Variants in BAALC observed in about 807,000 individuals in gnomAD.
BAALC encodes the protein BAALC binder of MAP3K1 and KLF4, also known as brain and acute leukemia cytoplasmic protein.
In BAALC, 9 loss-of-function variants were observed where a neutral mutation model predicts 15.5. The ratio of observed to expected loss-of-function variants is 0.58; its 90% CI spans 0.35 to 1.02. The LOEUF is 1.02. Among genes scored for constraint, BAALC ranks in the 50% least tolerant of loss-of-function variants. The pLI is 0.02. For missense variants in BAALC, 201 were observed against 192.4 expected, an observed-to-expected ratio of 1.04 and a Z score of -0.27; for synonymous variants, 80 against 74.6, an observed-to-expected ratio of 1.07 and a Z score of -0.37.
intron 1 of BAALC, among the ~76,000 whole-genome samples, chr8:103,167,550 A>T (rs753289337): frequency 1.3e-5 from 2 of 152,194 alleles, no homozygotes; most frequent in South Asian, 4.1e-4. Context: ...TCATACAATT[A>T]ATTATTATTG....
chr8:103,181,303 C>T (rs1014967992), intron 1 of BAALC, among the ~76,000 whole-genome samples: 5 of 152,106 alleles, frequency 3.3e-5, no homozygotes, highest in African/African-American at 9.7e-5. Flanking sequence ...GACAGAGTCT[C>T]GCTCTGTCGC....
intron 1 of BAALC, among the ~76,000 whole-genome samples, chr8:103,169,351 C>A (rs931494401): frequency 1.9e-4 from 29 of 152,106 alleles, no homozygotes; most frequent in African/African-American, 6.5e-4. Flanking sequence ...TAGGTTTTCT[C>A]CCCTTATAGA....
chr8:103,164,137 A>G (rs1811289621), intron 1 of BAALC, among the ~76,000 whole-genome samples: 1 of 152,180 alleles, frequency 6.6e-6, no homozygotes, highest in Non-Finnish European at 1.5e-5. Context: ...GTGAGTGAAG[A>G]GCAGGAGCTG....
chr8:103,140,984 C>T lies in BAALC; in HGVS notation c.87C>T (p.Thr29=). The stretch of plus-strand genomic sequence containing the variant: ...GGGAGACAGAATCCACCTGGCTCAC[C>T]TACACCGACTCGGACGCGCCGCCCA... ...WTRETESTWL[T]YTDSDAPPSA... Residue 29 remains threonine, a synonymous_variant, in exon 1 of 3, where the codon ACC becomes ACT. Transcript: ENST00000309982. This position sits in a 1 kb window ranked among gnomAD's most constrained non-coding sequence, Gnocchi z 4.2. 6.5e-7 allele frequency: 1 copy of T among 1,535,970 alleles called. No homozygotes were observed.
chr8:103,169,756 G>C (rs1811435282), intron 1 of BAALC, among the ~76,000 whole-genome samples: 1 of 152,162 alleles, frequency 6.6e-6, no homozygotes, highest in Admixed American at 6.5e-5. Flanking sequence ...TGTTCTAAGT[G>C]ATCCTCTGTC....
At chr8:103,162,879 C>T (rs1028495079) in intron 1 of BAALC, among the ~76,000 whole-genome samples, 1 of 152,150 alleles carries the variant, frequency 6.6e-6, no homozygotes, top group Non-Finnish European at 1.5e-5. Flanking sequence ...TGTAGCATAG[C>T]AAACCTTTTG....
intron 1 of BAALC, among the ~76,000 whole-genome samples, chr8:103,183,603 G>A (rs1279426494): frequency 1.3e-5 from 2 of 152,088 alleles, no homozygotes; most frequent in Admixed American, 1.3e-4. Flanking sequence ...GCAGTGGGTG[G>A]ACACTCAGGC....
intron 1 of BAALC, among the ~76,000 whole-genome samples, chr8:103,142,892 C>T (rs1040123542): frequency 6.6e-6 from 1 of 152,154 alleles, no homozygotes; most frequent in Non-Finnish European, 1.5e-5. Context: ...TTCATGGTAC[C>T]CTGCCAAACA....
chr8:103,183,345 T>C (rs1461375845), intron 1 of BAALC: 9 of 702,828 alleles, frequency 1.3e-5, no homozygotes, highest in Non-Finnish European at 2.3e-5. Flanking sequence ...ACTGTTCTTA[T>C]TTTCCTGGTT....
At chr8:103,201,028 C>A (rs533213325) in intron 1 of BAALC, among the ~76,000 whole-genome samples, 4 of 152,028 alleles carry the variant, frequency 2.6e-5, no homozygotes, top group Non-Finnish European at 5.9e-5. Context: ...AGCATCCTAT[C>A]GTACTAGGTA....
intron 1 of BAALC, among the ~76,000 whole-genome samples, chr8:103,158,261 TAGAC>T (rs907495205): frequency 4.6e-5 from 7 of 152,184 alleles, no homozygotes; most frequent in South Asian, 4.1e-4. Context: ...TATATTCAGT[TAGAC>T]AGGAGGAAAA....
chr8:103,143,198 C>T (rs528141157), intron 1 of BAALC, among the ~76,000 whole-genome samples: 3 of 152,196 alleles, frequency 2.0e-5, no homozygotes, highest in East Asian at 3.9e-4. Flanking sequence ...ATGGGTCATC[C>T]GTGAAAGCTA....
In BAALC at chr8:103,141,071, C is replaced by G. The variant is rs977094886; in HGVS notation, c.160+14C>G. On this transcript the variant is annotated intron_variant, in intron 1 of 2. Transcript: ENST00000309982. The stretch of plus-strand genomic sequence containing the variant: ...GCCTGCACTCGGGTAAGTGGCCGGG[C>G]CCCTGCAGACCCTCGCCCGCCCGCT... The G allele has an allele frequency of 6.9e-7, 1 of 1,444,148 alleles. No individual in the cohort carries two copies. The allele number at this position is 1,444,148 out of a possible 1,614,324, so 89.5% of individuals were successfully genotyped here.
intron 1 of BAALC, among the ~76,000 whole-genome samples, chr8:103,154,129 C>T (rs888401958): frequency 6.6e-6 from 1 of 152,200 alleles, no homozygotes; most frequent in Non-Finnish European, 1.5e-5. Flanking sequence ...CACAAACGAA[C>T]ACAGCTACGA....
chr8:103,160,107 T>C (rs1056707041), intron 1 of BAALC, among the ~76,000 whole-genome samples: 1 of 152,146 alleles, frequency 6.6e-6, no homozygotes, highest in South Asian at 2.1e-4. Context: ...TGTAACAGTA[T>C]TGTTAACAGT....
intron 2 of BAALC, among the ~76,000 whole-genome samples, chr8:103,215,454 A>G (rs1425955178): frequency 6.9e-6 from 1 of 145,764 alleles, no homozygotes; most frequent in Non-Finnish European, 1.5e-5. Flanking sequence ...CTGCATAACA[A>G]AACACAGCAA....
At chr8:103,159,354 A>T (rs909731970) in intron 1 of BAALC, among the ~76,000 whole-genome samples, 1 of 152,244 alleles carries the variant, frequency 6.6e-6, no homozygotes, top group Admixed American at 6.5e-5. Context: ...TAGGAATTAC[A>T]AAATGGTGAT....
chr8:103,205,347 G>A (rs1220571476), intron 1 of BAALC, among the ~76,000 whole-genome samples: 4 of 152,130 alleles, frequency 2.6e-5, no homozygotes, highest in African/African-American at 7.2e-5. Context: ...CTTTTGGCAA[G>A]GTTCAGTGAT....
chr8:103,141,689 C>T (rs1436840012), intron 1 of BAALC, among the ~76,000 whole-genome samples: 2 of 152,230 alleles, frequency 1.3e-5, no homozygotes, highest in African/African-American at 2.4e-5. Context: ...ACTTTTGGAG[C>T]AGTTGTTCCA....
Sources: allele counts gnomAD v4.1 joint callset (sites outside exome capture counted in the v4.1 genomes callset), GRCh38; gene constraint gnomAD v4.1.1; non-coding constraint Gnocchi (gnomAD v3.1); transcripts MANE v1.5; gene names NCBI Gene and HGNC (gene_info 2026-07-23, HGNC 2026-07-21).